The following DNAJC12 variants were observed in gnomAD, a reference collection of about 807,000 sequenced individuals.
DNAJC12 encodes the protein dnaJ homolog subfamily C member 12.
DNAJC12 carries 25 observed loss-of-function variants against 28.5 expected under a neutral mutation model. The observed-to-expected ratio is 0.88, with a 90% CI of 0.64 to 1.22. The LOEUF (loss-of-function observed/expected upper bound fraction) is 1.22, where lower values mean the gene tolerates loss of function less well. Among genes scored for constraint, DNAJC12 ranks in the 50% most tolerant of loss-of-function variants. The pLI is 0.00. For synonymous variants in DNAJC12, 77 were observed against 80.6 expected (o/e 0.95, Z 0.24); for missense variants, 222 against 231.7 (o/e 0.96, Z 0.27).
chr10:67,831,020 C>T (rs1041860832), intron 1 of DNAJC12, among the ~76,000 whole-genome samples: 2 of 152,182 alleles, frequency 1.3e-5, no homozygotes, highest in Non-Finnish European at 2.9e-5. Context: ...AACCTCATCT[C>T]TACTAAAGAT....
intron 3 of DNAJC12, chr10:67,811,152 C>T (rs900296819): frequency 1.6e-5 from 6 of 377,192 alleles, no homozygotes; most frequent in African/African-American, 1.1e-4. Context: ...AGAGAGCAAG[C>T]TGACATAAAC....
At chr10:67,816,059 C>T in intron 2 of DNAJC12, 1 of 398,458 alleles carries the variant, frequency 2.5e-6, no homozygotes. Context: ...GAAGAGAGAT[C>T]TCATTTTGTA....
chr10:67,827,312 A>C (rs1420210280), intron 1 of DNAJC12, among the ~76,000 whole-genome samples: 4 of 151,592 alleles, frequency 2.6e-5, no homozygotes, highest in Non-Finnish European at 2.9e-5. Flanking sequence ...CCTTGAGCCC[A>C]GGAGGTGGAG....
At chr10:67,819,972 G>T (rs1462005013) in intron 2 of DNAJC12, among the ~76,000 whole-genome samples, 1 of 152,162 alleles carries the variant, frequency 6.6e-6, no homozygotes. Context: ...GCAATAAGGA[G>T]ACAGTGTGAC....
intron 3 of DNAJC12, among the ~76,000 whole-genome samples, chr10:67,807,791 G>A (rs888805146): frequency 8.5e-5 from 13 of 152,174 alleles, no homozygotes; most frequent in Non-Finnish European, 1.9e-4. Context: ...AGATAGGTTA[G>A]GATTAATGTC....
rs191714831 is a variant in DNAJC12 at position 67,802,580 on chromosome 10, C to T, written c.502+3003G>A. Among the ~76,000 whole-genome samples the T allele has an allele frequency of 2.5e-3, 377 of 152,234 alleles. 4 individuals carry two copies. The highest frequency in any genetic ancestry group is 8.7e-3 in the African/African-American group (360 of 41,524). ...AAAGACCATCCCATCTGTGTGTATG[C>T]CTTGAATTGCAATGTAGTTTTTATA... is the stretch of plus-strand genomic sequence containing the variant. On this transcript the variant is annotated intron_variant, in intron 4 of 4. Transcript: ENST00000225171.
At chr10:67,797,327 T>C in intron 4 of DNAJC12, 117 bp from the exon 5 acceptor site, 1 of 729,598 alleles carries the variant, frequency 1.4e-6, no homozygotes, top group Admixed American at 2.8e-5. Flanking sequence ...AGGGTAAGAC[T>C]TTGGTATGAA....
chr10:67,802,025 C>A (rs1226401339), intron 4 of DNAJC12, among the ~76,000 whole-genome samples: 1 of 151,542 alleles, frequency 6.6e-6, no homozygotes, highest in South Asian at 2.1e-4. Flanking sequence ...GCATACCTAG[C>A]TAATGGTTTT....
chr10:67,831,873 T>G (rs931246391), intron 1 of DNAJC12, among the ~76,000 whole-genome samples: 19 of 152,218 alleles, frequency 1.2e-4, no homozygotes, highest in African/African-American at 4.3e-4. Context: ...GTAACATAAC[T>G]ATAGTGTAAT....
chr10:67,807,485 G>A (rs1205247311), intron 3 of DNAJC12, among the ~76,000 whole-genome samples: 1 of 151,328 alleles, frequency 6.6e-6, no homozygotes, highest in Non-Finnish European at 1.5e-5. Flanking sequence ...CAATGCCTCA[G>A]CTGGTATTAA....
At chr10:67,810,146 T>C (rs1019346693) in intron 3 of DNAJC12, among the ~76,000 whole-genome samples, 5 of 152,172 alleles carry the variant, frequency 3.3e-5, no homozygotes, top group Non-Finnish European at 5.9e-5. Context: ...GGCCTTCTTC[T>C]CATGGTGGCA....
At chr10:67,810,147 C>T (rs1422737818) in intron 3 of DNAJC12, among the ~76,000 whole-genome samples, 1 of 152,084 alleles carries the variant, frequency 6.6e-6, no homozygotes, top group Non-Finnish European at 1.5e-5. Flanking sequence ...GCCTTCTTCT[C>T]ATGGTGGCAG....
At chr10:67,797,285 G>A (rs1053084464) in intron 4 of DNAJC12, 75 bp from the exon 5 acceptor site, 3 of 1,222,496 alleles carry the variant, frequency 2.5e-6, no homozygotes, top group Non-Finnish European at 3.5e-6. Flanking sequence ...AACAGCTTGG[G>A]GATAATATTT....
chr10:67,799,227 T>C (rs116782619), intron 4 of DNAJC12, among the ~76,000 whole-genome samples: 4,938 of 152,278 alleles, frequency 0.032, 95 homozygotes, highest in Middle Eastern at 0.078. Flanking sequence ...TAATATAGTA[T>C]ATAAATATGT....
chr10:67,801,790 C>CAA (rs752473942), intron 4 of DNAJC12, among the ~76,000 whole-genome samples: 5 of 52,888 alleles, frequency 9.5e-5, no homozygotes, highest in African/African-American at 1.5e-4. Flanking sequence ...AACTCTGTTT[C>CAA]AAAAAAAAAA....
intron 4 of DNAJC12, among the ~76,000 whole-genome samples, chr10:67,800,003 A>G (rs1841724521): frequency 6.6e-6 from 1 of 152,018 alleles, no homozygotes; most frequent in African/African-American, 2.4e-5. Context: ...GGCTGAGGCC[A>G]ATGGATCACT....
intron 1 of DNAJC12, among the ~76,000 whole-genome samples, chr10:67,835,747 C>CACAT (rs111959175): frequency 0.099 from 14,632 of 147,816 alleles, 1,196 homozygotes; most frequent in African/African-American, 0.23. Context: ...CACACACACA[C>CACAT]ATATATATAA....
At chr10:67,816,221 A>G (rs1038996811) in intron 2 of DNAJC12, 44 of 396,030 alleles carry the variant, frequency 1.1e-4, no homozygotes, top group Non-Finnish European at 1.6e-4. Flanking sequence ...GCCATTTACA[A>G]TTACTTAAGA....
At chr10:67,815,135 T>C (rs1589607079) in intron 2 of DNAJC12, among the ~76,000 whole-genome samples, 1 of 152,152 alleles carries the variant, frequency 6.6e-6, no homozygotes, top group African/African-American at 2.4e-5. Context: ...ATGTGGTATA[T>C]CCACCTAAAA....
Sources: gnomAD v4.1 joint callset for allele counts (sites outside exome capture counted in the v4.1 genomes callset) on GRCh38, gnomAD v4.1.1 for gene constraint, MANE v1.5 for transcripts, NCBI Gene and HGNC (gene_info 2026-07-23, HGNC 2026-07-21) for gene names.